Variants in HHLA1 observed in about 807,000 individuals in gnomAD.
The protein encoded by HHLA1 is HERV-H LTR-associating protein 1.
HHLA1 carries 72 observed loss-of-function variants against 69.9 expected under a neutral mutation model. The observed-to-expected ratio is 1.03, with a 90% CI of 0.85 to 1.25. The LOEUF (loss-of-function observed/expected upper bound fraction) is 1.25. HHLA1 is among the 50% of genes most tolerant of loss of function. The probability of loss-of-function intolerance (pLI) is 0.00; values close to 1 mark genes in which losing one functional copy is unlikely to be tolerated. For synonymous variants in HHLA1, 252 were observed against 233.2 expected (o/e 1.08, Z -0.73); for missense variants, 685 against 642.2 (o/e 1.07, Z -0.72).
chr8:132,108,283 A>C (rs922531952), intron 1 of HHLA1, among the ~76,000 whole-genome samples: 6 of 152,252 alleles, frequency 3.9e-5, no homozygotes, highest in Admixed American at 2.0e-4. Context: ...ATAGAATTAA[A>C]GTAATGGCGA....
At chr8:132,108,571 A>G (rs1369962156) in intron 1 of HHLA1, among the ~76,000 whole-genome samples, 1 of 152,216 alleles carries the variant, frequency 6.6e-6, no homozygotes, top group Non-Finnish European at 1.5e-5. Flanking sequence ...ATGTGATGAC[A>G]GGACAATAAT....
At chr8:132,076,564 G>A (rs2130881023) in intron 12 of HHLA1, 21 bp from the exon 13 acceptor site, 4 of 1,485,014 alleles carry the variant, frequency 2.7e-6, no homozygotes, top group Non-Finnish European at 3.6e-6. Flanking sequence ...ATGAGAGAGA[G>A]GTGAGCCTGC....
At chr8:132,098,151 A>T (rs1043839543) in intron 5 of HHLA1, among the ~76,000 whole-genome samples, 5 of 152,262 alleles carry the variant, frequency 3.3e-5, no homozygotes, top group African/African-American at 1.2e-4. Flanking sequence ...AGAATGTGAG[A>T]ATAAATAGTG....
chr8:132,101,228 G>C, intron 3 of HHLA1: 1 of 1,550,320 alleles, frequency 6.5e-7, no homozygotes, highest in Non-Finnish European at 8.7e-7. Context: ...AGGGCTGCCC[G>C]GGAATGTCCC....
In HHLA1 at chr8:132,087,688, T is replaced by C. The variant is rs1238412659; in HGVS notation, c.641A>G (p.Asn214Ser). 13 of 1,551,448 alleles carry C rather than the reference T, an allele frequency of 8.4e-6. No individual in the cohort carries two copies. Among genetic ancestry groups the C allele is most frequent in the Non-Finnish European group, 1.0e-5 (12 of 1,146,914 alleles). Reference sequence around the variant, plus strand: ...AGACAAGCCGCTGGTAAATGTGTAATTGATAATGGGATATTTTTCTTCTAT... The same window carrying C: ...AGACAAGCCGCTGGTAAATGTGTAACTGATAATGGGATATTTTTCTTCTAT... ...WEIEEKYPII[N>S]YTFTSGLSGV... is the part of the protein sequence containing the mutation. The change falls in exon 10 of 17, where the codon AAT becomes AGT. Residue 214 changes from asparagine (N) to serine (S), a missense_variant. Physicochemically the swap from Asn to Ser is conservative, Grantham distance 46. Transcript: ENST00000414222.
chr8:132,080,327 C>T (rs989780427), intron 10 of HHLA1: 25 of 357,518 alleles, frequency 7.0e-5, no homozygotes, highest in African/African-American at 1.3e-4. Context: ...GGGCTGAGTC[C>T]GAAAAGAGAG....
intron 1 of HHLA1, among the ~76,000 whole-genome samples, chr8:132,109,093 C>T (rs369207841): frequency 1.2e-4 from 18 of 152,278 alleles, no homozygotes; most frequent in South Asian, 6.2e-4. Flanking sequence ...CTGCAACCTC[C>T]GCCTCCTGGG....
chr8:132,103,903 TAC>T (rs1231222389), intron 3 of HHLA1, among the ~76,000 whole-genome samples: 1 of 152,232 alleles, frequency 6.6e-6, no homozygotes, highest in Non-Finnish European at 1.5e-5. Context: ...AATGGAATGT[TAC>T]AGTCTTTGTG....
intron 5 of HHLA1, among the ~76,000 whole-genome samples, chr8:132,097,451 C>T (rs1050410497): frequency 1.3e-5 from 2 of 152,146 alleles, no homozygotes; most frequent in Non-Finnish European, 2.9e-5. Context: ...ACGTCTGCAT[C>T]TAGAAAATGG....
chr8:132,095,645 C>A, intron 6 of HHLA1, 43 bp from the exon 7 acceptor site: 1 of 1,526,252 alleles, frequency 6.6e-7, no homozygotes, highest in South Asian at 1.2e-5. Context: ...ACACACAGAC[C>A]AGCCCTGCAA....
rs1290170846 is a variant in HHLA1, at chr8:132,064,062, G to A, written c.1553-24C>T. 5 of 1,295,216 alleles carry A rather than the reference G, an allele frequency of 3.9e-6. No individual in the cohort carries two copies. In the East Asian group the frequency reaches 2.8e-4, roughly 72 times the overall value. 80.2% of individuals were successfully genotyped at this position (1,295,216 alleles called of 1,614,324 possible). On this transcript the variant is annotated intron_variant, in intron 16 of 16. Transcript: ENST00000414222. ...GGCTGAAAAAAAAGCAGAAGAAGAA[G>A]GAACTCAAGGTACTGAGATATAAAC...
intron 10 of HHLA1, among the ~76,000 whole-genome samples, chr8:132,086,125 G>T (rs1823857017): frequency 6.6e-6 from 1 of 152,126 alleles, no homozygotes; most frequent in South Asian, 2.1e-4. Flanking sequence ...CAGCATCCTT[G>T]GTTGCTCCAT....
intron 12 of HHLA1, 27 bp from the exon 13 acceptor site, chr8:132,076,570 C>G: frequency 6.8e-7 from 1 of 1,464,288 alleles, no homozygotes. Flanking sequence ...GAGAGGTGAG[C>G]CTGCATCTCT....
chr8:132,094,485 T>G (rs1397518158), intron 7 of HHLA1, among the ~76,000 whole-genome samples: 2 of 152,206 alleles, frequency 1.3e-5, no homozygotes, highest in African/African-American at 4.8e-5. Flanking sequence ...GCTCCAGTTA[T>G]GCTGGCTTCT....
intron 10 of HHLA1, among the ~76,000 whole-genome samples, chr8:132,084,923 G>A (rs972458614): frequency 6.6e-6 from 1 of 152,062 alleles, no homozygotes; most frequent in Non-Finnish European, 1.5e-5. Flanking sequence ...TAAGGGTGAA[G>A]GAGAAGGGGT....
chr8:132,086,730 C>A (rs1249245669), intron 10 of HHLA1, among the ~76,000 whole-genome samples: 1 of 152,178 alleles, frequency 6.6e-6, no homozygotes, highest in Non-Finnish European at 1.5e-5. Flanking sequence ...AGGTAATCTA[C>A]CAACTGCCCA....
rs562646075 is a variant in HHLA1 at position 132,092,130 on chromosome 8, G to A, written c.449-2531C>T. ...TTAAGACATATGGGTTAGTTTGAGAGTAGATTATAAAATTGCATAAAAAAT... is the reference window on the plus strand; with the variant it reads ...TTAAGACATATGGGTTAGTTTGAGAATAGATTATAAAATTGCATAAAAAAT... On this transcript the variant is annotated intron_variant, in intron 7 of 16. Coordinates refer to ENST00000414222, the MANE Select transcript of HHLA1 (RefSeq NM_001145095.3). 3.9e-5 allele frequency among the ~76,000 whole-genome samples: 6 copies of A among 152,294 alleles called. No individual in the cohort carries two copies. The East Asian group carries it at 1.2e-3, about 29-fold the overall frequency.
intron 14 of HHLA1, 80 bp from the exon 15 acceptor site, chr8:132,071,573 G>T: frequency 7.4e-7 from 1 of 1,345,484 alleles, no homozygotes; most frequent in Non-Finnish European, 1.0e-6. Context: ...TGCATCAGGT[G>T]AATATAGTCT....
intron 7 of HHLA1, among the ~76,000 whole-genome samples, chr8:132,091,712 G>A (rs1823948237): frequency 6.6e-6 from 1 of 152,172 alleles, no homozygotes. Context: ...CTATCCATTT[G>A]GTAATGATTT....
Sources: gnomAD v4.1 joint callset for allele counts (sites outside exome capture counted in the v4.1 genomes callset) on GRCh38, gnomAD v4.1.1 for gene constraint, MANE v1.5 for transcripts, NCBI Gene and HGNC (gene_info 2026-07-23, HGNC 2026-07-21) for gene names.